GPBP1L1: variants seen among roughly 807,000 people sequenced by gnomAD.
GPBP1L1 encodes GC-rich promoter binding protein 1 like 1, also known as vasculin-like protein 1.
Under a neutral mutation model 52.5 loss-of-function variants are expected in GPBP1L1, and 23 were observed. The observed-to-expected ratio is 0.44, with a 90% CI of 0.32 to 0.62. The LOEUF (loss-of-function observed/expected upper bound fraction) is 0.62, where lower values mean the gene tolerates loss of function less well. GPBP1L1 is among the 20% of genes least tolerant of loss of function. GPBP1L1 has a pLI of 0.06. For missense variants in GPBP1L1, 596 were observed against 579.3 expected (o/e 1.03, Z -0.30); for synonymous variants, 243 against 203.1 (o/e 1.20, Z -1.67).
At position 45,664,564 on chromosome 1, in the gene GPBP1L1, C is replaced by CAAATA. The variant is rs376484482; in HGVS notation, c.-1097-3344_-1097-3340dup. ...TGGGTGACAGAGCAAGACTCTGCCT[C>CAAATA]AAATAAAATAAAATAAAATAAAATA... On this transcript the variant is annotated intron_variant, in intron 2 of 12. Coordinates refer to ENST00000355105, the MANE Select transcript of GPBP1L1 (RefSeq NM_021639.5). Among the ~76,000 whole-genome samples the CAAATA allele has an allele frequency of 3.4e-3, 513 of 152,086 alleles. 3 individuals are homozygous for CAAATA. Among genetic ancestry groups the CAAATA allele is most frequent in the Non-Finnish European group, 4.8e-3 (328 of 68,002 alleles).
chr1:45,667,371 A>AT (rs1645022851), intron 2 of GPBP1L1, among the ~76,000 whole-genome samples: 1 of 152,206 alleles, frequency 6.6e-6, no homozygotes, highest in South Asian at 2.1e-4. Flanking sequence ...CATCTGTCAA[A>AT]TATTTTATCT....
chr1:45,633,436 A>G, intron 10 of GPBP1L1, 53 bp downstream of exon 10: 3 of 1,576,208 alleles, frequency 1.9e-6, no homozygotes, highest in Non-Finnish European at 2.6e-6. Context: ...GAAATCACGT[A>G]TGTATCAAAG....
At chr1:45,634,880 C>T (rs1569760727) in intron 8 of GPBP1L1, 1 of 152,242 alleles carries the variant, frequency 6.6e-6, no homozygotes, top group South Asian at 2.1e-4. Flanking sequence ...AGTTACCACA[C>T]TGTCCAAGGA....
At chr1:45,658,379 T>C (rs72885306) in intron 4 of GPBP1L1, among the ~76,000 whole-genome samples, 2 of 152,286 alleles carry the variant, frequency 1.3e-5, no homozygotes, top group African/African-American at 4.8e-5. Context: ...GGTTAGCAAG[T>C]ACGTTTAATC....
intron 6 of GPBP1L1, among the ~76,000 whole-genome samples, chr1:45,652,940 G>C (rs1644836637): frequency 6.6e-6 from 1 of 152,104 alleles, no homozygotes; most frequent in African/African-American, 2.4e-5. Context: ...ATACAAGTTT[G>C]CTGTATAAAT....
chr1:45,650,404 C>T (rs905220566), intron 6 of GPBP1L1, among the ~76,000 whole-genome samples: 2 of 152,160 alleles, frequency 1.3e-5, no homozygotes, highest in African/African-American at 2.4e-5. Flanking sequence ...AATCTGTGTT[C>T]CTGTCTATAT....
chr1:45,655,651 T>A, intron 4 of GPBP1L1: 1 of 174,836 alleles, frequency 5.7e-6, no homozygotes, highest in Non-Finnish European at 1.2e-5. Context: ...AATATTTACC[T>A]TGTAGGAGAG....
At chr1:45,674,376 A>C (rs899668609) in intron 2 of GPBP1L1, among the ~76,000 whole-genome samples, 5 of 152,240 alleles carry the variant, frequency 3.3e-5, no homozygotes, top group Non-Finnish European at 5.9e-5. Flanking sequence ...TCACCTTAAA[A>C]AAAAGTTAAC....
At chr1:45,666,782 A>G (rs945047229) in intron 2 of GPBP1L1, among the ~76,000 whole-genome samples, 4 of 152,254 alleles carry the variant, frequency 2.6e-5, no homozygotes, top group Non-Finnish European at 2.9e-5. Flanking sequence ...CACAATAGCT[A>G]CAAAGCAGAA....
At chr1:45,685,999 G>A (rs1363143699) in intron 1 of GPBP1L1, among the ~76,000 whole-genome samples, 1 of 151,838 alleles carries the variant, frequency 6.6e-6, no homozygotes, top group South Asian at 2.1e-4. Context: ...TCCTCCTTAG[G>A]TTTTCCTTTG....
At chr1:45,679,094 A>C (rs1339203814) in intron 2 of GPBP1L1, among the ~76,000 whole-genome samples, 1 of 152,238 alleles carries the variant, frequency 6.6e-6, no homozygotes, top group African/African-American at 2.4e-5. Flanking sequence ...GAGAGTTTTA[A>C]TAAACCACTG....
chr1:45,668,282 T>C (rs1276834976), intron 2 of GPBP1L1, among the ~76,000 whole-genome samples: 1 of 152,200 alleles, frequency 6.6e-6, no homozygotes, highest in Non-Finnish European at 1.5e-5. Context: ...AGAATGAATA[T>C]ATTTATAGTA....
intron 6 of GPBP1L1, among the ~76,000 whole-genome samples, chr1:45,643,829 C>A (rs1043001669): frequency 6.6e-6 from 1 of 151,816 alleles, no homozygotes; most frequent in Admixed American, 6.6e-5. Context: ...ACCACCACAC[C>A]CAGCTAATTT....
intron 2 of GPBP1L1, among the ~76,000 whole-genome samples, chr1:45,669,621 C>T (rs1461612572): frequency 4.8e-5 from 5 of 103,192 alleles, no homozygotes; most frequent in Non-Finnish European, 1.0e-4. Flanking sequence ...GGTATGACCC[C>T]CCCTCCAACC....
chr1:45,660,235 G>C lies in GPBP1L1; in HGVS notation c.-107C>G. On this transcript the variant is annotated 5_prime_UTR_variant, in exon 3 of 13. It adds an upstream start codon to the 5' untranslated region. Transcript: ENST00000355105. ...TTTCTGAACTCGAGTCGGCCAGCTGGATCTCCCACAAGGTTTCCTTGTTAA... is the reference window on the plus strand; with the variant it reads ...TTTCTGAACTCGAGTCGGCCAGCTGCATCTCCCACAAGGTTTCCTTGTTAA... The C allele has an allele frequency of 1.0e-6, 1 of 985,262 alleles. No homozygotes were observed. Among genetic ancestry groups the C allele is most frequent in the Non-Finnish European group, 1.2e-6 (1 of 829,930 alleles). 61.0% of individuals were successfully genotyped at this position (985,262 alleles called of 1,614,324 possible).
At position 45,633,476 on chromosome 1, in the gene GPBP1L1, C is replaced by T. The variant is rs776766290; in HGVS notation, c.1044+13G>A. 17 of 1,611,634 alleles carry T rather than the reference C, an allele frequency of 1.1e-5. No individual in the cohort carries two copies. The highest frequency in any genetic ancestry group is 2.7e-5 in the African/African-American group (2 of 74,686). ...ATTCCTAGGCTACCCCCAGAAAAGG[C>T]GGATGCTCTTACATCTTCCAGCTTG... On this transcript the variant is annotated intron_variant, in intron 10 of 12. Coordinates refer to ENST00000355105, the MANE Select transcript of GPBP1L1 (RefSeq NM_021639.5).
chr1:45,639,295 A>T (rs1021862307), intron 8 of GPBP1L1, among the ~76,000 whole-genome samples: 2 of 152,218 alleles, frequency 1.3e-5, no homozygotes, highest in Non-Finnish European at 2.9e-5. Context: ...GTGAGAAGAC[A>T]AAGTCCTGAA....
chr1:45,628,474 C>G (rs1281794596), intron 12 of GPBP1L1, 66 bp from the exon 13 acceptor site: 1 of 1,500,816 alleles, frequency 6.7e-7, no homozygotes, highest in East Asian at 2.3e-5. Flanking sequence ...ACCCATAAGC[C>G]CTGGGAAAGG....
chr1:45,627,552 C>T lies in GPBP1L1; in HGVS notation c.*704G>A, dbSNP rs1222482127. On this transcript the variant is annotated 3_prime_UTR_variant, in exon 13 of 13. Transcript: ENST00000355105. Reference sequence around the variant, plus strand: ...TTATGCAGTAGTTTCCCCCTCGAGACTTGTGATAACCACATCTTTTAAATC... The same window carrying T: ...TTATGCAGTAGTTTCCCCCTCGAGATTTGTGATAACCACATCTTTTAAATC... The T allele has an allele frequency of 6.6e-6, 1 of 152,532 alleles. No individual in the cohort carries two copies. Among genetic ancestry groups the T allele is most frequent in the Non-Finnish European group, 1.5e-5 (1 of 68,030 alleles). 9.4% of individuals were successfully genotyped at this position (152,532 alleles called of 1,614,324 possible).
Sources: gnomAD v4.1 joint callset for allele counts (sites outside exome capture counted in the v4.1 genomes callset) on GRCh38, gnomAD v4.1.1 for gene constraint, MANE v1.5 for transcripts, NCBI Gene and HGNC (gene_info 2026-07-23, HGNC 2026-07-21) for gene names.